The following SPACA7 variants were observed in gnomAD, a reference collection of about 807,000 sequenced individuals.
SPACA7 encodes the protein sperm acrosome associated 7, also known as sperm acrosome-associated protein 7.
In SPACA7, 19 loss-of-function variants were observed where a neutral mutation model predicts 26.3. The ratio of observed to expected loss-of-function variants is 0.72; its 90% CI spans 0.50 to 1.06. The LOEUF (loss-of-function observed/expected upper bound fraction) is 1.06, where lower values mean the gene tolerates loss of function less well. SPACA7 is among the 50% of genes least tolerant of loss of function. SPACA7 has a pLI of 0.00. For synonymous variants in SPACA7, 84 were observed against 84.5 expected, an observed-to-expected ratio of 0.99 and a Z score of 0.04; for missense variants, 211 against 229.9, an observed-to-expected ratio of 0.92 and a Z score of 0.53.
At chr13:112,400,955 T>G (rs1301447503) in intron 4 of SPACA7, 114 bp from the exon 5 acceptor site, 2 of 750,392 alleles carry the variant, frequency 2.7e-6, no homozygotes, top group African/African-American at 1.8e-5. Flanking sequence ...AAATAAAACT[T>G]GAAAATGATA....
chr13:112,388,835 C>T (rs1884699110), intron 1 of SPACA7, among the ~76,000 whole-genome samples: 1 of 152,012 alleles, frequency 6.6e-6, no homozygotes, highest in Non-Finnish European at 1.5e-5. Flanking sequence ...AGCCAGTGAG[C>T]CAGGAGTGCT....
intron 1 of SPACA7, among the ~76,000 whole-genome samples, chr13:112,387,338 C>T (rs983037265): frequency 5.3e-5 from 8 of 152,172 alleles, no homozygotes; most frequent in African/African-American, 1.9e-4. Context: ...TTTCAGGGAC[C>T]CACAGCAAAG....
intron 4 of SPACA7, among the ~76,000 whole-genome samples, 154 bp downstream of exon 4, chr13:112,399,327 C>G (rs1404079477): frequency 6.6e-6 from 1 of 152,250 alleles, no homozygotes; most frequent in Non-Finnish European, 1.5e-5. Context: ...ATCTCCCAGT[C>G]TCTGTCGGGG....
chr13:112,387,337 C>T (rs1201728191), intron 1 of SPACA7, among the ~76,000 whole-genome samples: 6 of 152,168 alleles, frequency 3.9e-5, no homozygotes, highest in Admixed American at 6.5e-5. Context: ...GTTTCAGGGA[C>T]CCACAGCAAA....
chr13:112,389,826 C>T (rs537966666), intron 1 of SPACA7, among the ~76,000 whole-genome samples: 11 of 152,276 alleles, frequency 7.2e-5, no homozygotes, highest in African/African-American at 1.2e-4. Flanking sequence ...CTGATAAAAA[C>T]GGGATATGTT....
intron 5 of SPACA7, among the ~76,000 whole-genome samples, chr13:112,401,478 G>A (rs1885635559): frequency 6.6e-6 from 1 of 152,058 alleles, no homozygotes; most frequent in Non-Finnish European, 1.5e-5. Flanking sequence ...TATATTTTAA[G>A]AACAAACTTT....
intron 2 of SPACA7, among the ~76,000 whole-genome samples, 168 bp from the exon 3 acceptor site, chr13:112,397,881 G>T (rs988887023): frequency 6.6e-6 from 1 of 151,894 alleles, no homozygotes; most frequent in Non-Finnish European, 1.5e-5. Context: ...CCCACCCAGA[G>T]AAGGTTCTTT....
intron 1 of SPACA7, among the ~76,000 whole-genome samples, chr13:112,385,162 T>A (rs912691042): frequency 9.2e-5 from 14 of 152,242 alleles, no homozygotes; most frequent in African/African-American, 3.1e-4. Flanking sequence ...CAGAATTTTG[T>A]ATAAGATTAA....
At chr13:112,416,329 T>C (rs1309171304) in intron 5 of SPACA7, among the ~76,000 whole-genome samples, 6 of 151,838 alleles carry the variant, frequency 4.0e-5, no homozygotes, top group African/African-American at 1.5e-4. Flanking sequence ...CACTGTCACC[T>C]GGGCTGGAGT....
At chr13:112,412,766 A>G (rs1262379079) in intron 5 of SPACA7, among the ~76,000 whole-genome samples, 1 of 152,292 alleles carries the variant, frequency 6.6e-6, no homozygotes, top group East Asian at 1.9e-4. Flanking sequence ...AATTGGCTGT[A>G]AATGCATAGA....
chr13:112,387,271 A>G (rs1393017409), intron 1 of SPACA7, among the ~76,000 whole-genome samples: 1 of 152,222 alleles, frequency 6.6e-6, no homozygotes, highest in East Asian at 1.9e-4. Context: ...GCACATGATC[A>G]CAAGGTTAAG....
chr13:112,404,809 G>A (rs1024471845), intron 5 of SPACA7, among the ~76,000 whole-genome samples: 10 of 151,898 alleles, frequency 6.6e-5, no homozygotes, highest in African/African-American at 2.2e-4. Context: ...ATTCTGTTTG[G>A]GTGACTATAG....
chr13:112,384,095 C>T (rs9550066), intron 1 of SPACA7, among the ~76,000 whole-genome samples: 59,559 of 151,876 alleles, frequency 0.39, 12,280 homozygotes, highest in East Asian at 0.64. Flanking sequence ...ATTAGTTTTC[C>T]ATAAGAGTTC....
At chr13:112,412,471 T>G (rs1886412634) in intron 5 of SPACA7, among the ~76,000 whole-genome samples, 1 of 152,138 alleles carries the variant, frequency 6.6e-6, no homozygotes, top group African/African-American at 2.4e-5. Flanking sequence ...TAATCCTAAT[T>G]GTCTATTTTT....
intron 5 of SPACA7, among the ~76,000 whole-genome samples, chr13:112,430,941 A>C (rs918134092): frequency 6.6e-6 from 1 of 152,190 alleles, no homozygotes; most frequent in Non-Finnish European, 1.5e-5. Context: ...CTCTAAAAAA[A>C]CTCTGTGTGA....
intron 5 of SPACA7, among the ~76,000 whole-genome samples, chr13:112,422,592 G>C (rs1876093268): frequency 1.3e-5 from 2 of 152,184 alleles, no homozygotes; most frequent in Admixed American, 1.3e-4. Context: ...TGCAAAGCAT[G>C]TTATCTGCAC....
intron 1 of SPACA7, among the ~76,000 whole-genome samples, chr13:112,383,155 AAGAAAGAAAGAAAGAAAGAAAG>A (rs1884280617): frequency 7.3e-6 from 1 of 137,594 alleles, no homozygotes; most frequent in African/African-American, 2.9e-5. Context: ...GAAAGAAAGA[AAGAAAGAAAGAAAGAAAGAAAG>A]AAAGAAAGAA....
At chr13:112,432,630 C>A (rs769745312) in intron 6 of SPACA7, 109 bp downstream of exon 6, 45 of 776,070 alleles carry the variant, frequency 5.8e-5, no homozygotes, top group Non-Finnish European at 8.1e-5. Context: ...AGCCCAGCCC[C>A]CAGGTGGACC....
intron 1 of SPACA7, among the ~76,000 whole-genome samples, chr13:112,387,924 C>T (rs1174664342): frequency 6.6e-6 from 1 of 152,170 alleles, no homozygotes; most frequent in Non-Finnish European, 1.5e-5. Context: ...AACATTTTCC[C>T]ATTGGTCCCT....
Sources: allele counts gnomAD v4.1 joint callset (sites outside exome capture counted in the v4.1 genomes callset), GRCh38; gene constraint gnomAD v4.1.1; transcripts MANE v1.5; gene names NCBI Gene and HGNC (gene_info 2026-07-23, HGNC 2026-07-21).